ZNF66: variants seen among roughly 807,000 people sequenced by gnomAD.
The protein encoded by ZNF66 is zinc finger protein 66.
A neutral mutation model predicts 35.2 loss-of-function variants in ZNF66; 32 were observed. That is an observed-to-expected ratio of 0.91 (90% confidence interval 0.69 to 1.22). The LOEUF (loss-of-function observed/expected upper bound fraction) is 1.22. ZNF66 is among the 50% of genes most tolerant of loss of function. The pLI is 0.00. For missense variants in ZNF66, 666 were observed against 543.1 expected, an observed-to-expected ratio of 1.23 and a Z score of -2.25; for synonymous variants, 231 against 181.3, an observed-to-expected ratio of 1.27 and a Z score of -2.20.
Position 20,797,461 on chromosome 19 carries a change from C to T in ZNF66, c.226+3583C>T, listed in dbSNP as rs1434212483. On this transcript the variant is annotated intron_variant, in intron 3 of 3. Coordinates refer to ENST00000344519, the MANE Select transcript of ZNF66 (RefSeq NM_001355197.2). ...GACCTCGTGATCCGCCCGCCTCGGC[C>T]TCCCAAAGTGCTGGGATTACAGGCG... 3.2e-5 allele frequency among the ~76,000 whole-genome samples: 4 copies of T among 124,668 alleles called. 1 individual carries two copies. The highest frequency in any genetic ancestry group is 8.2e-3 in the Middle Eastern group (2 of 244). 81.8% of individuals were successfully genotyped at this position (124,668 alleles called of 152,430 possible). A position where few individuals can be genotyped will look rare whatever the true frequency, so the allele number is the denominator to read the frequency against.
chr19:20,806,448 A>T lies in ZNF66; in HGVS notation c.848A>T (p.Lys283Ile). 3 of 1,545,556 alleles carry T rather than the reference A, an allele frequency of 1.9e-6. No individual in the cohort carries two copies. The highest frequency in any genetic ancestry group is 2.7e-6 in the Non-Finnish European group (3 of 1,118,110). ...CATAAGAGAATTCATACTGGAGAGA[A>T]ACCCTACAAATGTGAAGAATGTGGC... ...TTHKRIHTGE[K>I]PYKCEECGKV... Residue 283 changes from lysine (K) to isoleucine (I), a missense_variant, in exon 4 of 4, where the codon AAA (lysine) becomes ATA (isoleucine). Transcript: ENST00000344519.
rs752532071 is a variant in ZNF66 at position 20,793,841 on chromosome 19, G to C, written c.189G>C (p.Ser63=). 1 of 1,171,744 alleles carries C rather than the reference G, an allele frequency of 8.5e-7. No individual in the cohort carries two copies. Among genetic ancestry groups the C allele is most frequent in the Admixed American group, 2.4e-5 (1 of 41,554 alleles). 72.6% of individuals were successfully genotyped at this position (1,171,744 alleles called of 1,614,324 possible). A position where few individuals can be genotyped will look rare whatever the true frequency, so the allele number is the denominator to read the frequency against. Residue 63 remains serine (S), a synonymous_variant, in exon 3 of 4, where the codon TCG becomes TCC. Transcript: ENST00000344519. ...ATCTGGAGCAAGGAAAAAAACCTTC[G>C]ACTATGCAGAGACATGAGATGGTAG... The part of the protein sequence containing the change: ...ITHLEQGKKP[S]TMQRHEMVAN...
In ZNF66 at chr19:20,806,020, C is replaced by G. The variant is rs1218001333; in HGVS notation, c.420C>G (p.Thr140=). The change falls in exon 4 of 4, where the codon ACC becomes ACG. Residue 140 remains threonine (T), a synonymous_variant. Transcript: ENST00000344519. ...GACTTAACCAATGTTTGACAACTAC[C>G]CAAAGCAAAATGTTTCAATGTGATA... The part of the protein sequence containing the change: ...YNGLNQCLTT[T]QSKMFQCDKH... 3.7e-6 allele frequency: 3 copies of G among 821,628 alleles called. No individual in the cohort carries two copies. Among genetic ancestry groups the G allele is most frequent in the Non-Finnish European group, 6.3e-6 (3 of 476,052 alleles). 50.9% of individuals were successfully genotyped at this position (821,628 alleles called of 1,614,324 possible). A position where few individuals can be genotyped will look rare whatever the true frequency, so the allele number is the denominator to read the frequency against.
intron 1 of ZNF66, among the ~76,000 whole-genome samples, chr19:20,780,923 C>T (rs1055358414): frequency 5.9e-4 from 89 of 151,884 alleles, no homozygotes; most frequent in African/African-American, 2.1e-3. Flanking sequence ...GACATTGACA[C>T]GTCCACACTC....
chr19:20,805,401 C>T (rs1971491943), intron 3 of ZNF66, among the ~76,000 whole-genome samples: 2 of 152,102 alleles, frequency 1.3e-5, no homozygotes, highest in Admixed American at 1.3e-4. Flanking sequence ...ACCATCTTGG[C>T]CAGGCTGCCT....
At chr19:20,783,460 G>A (rs909073228) in intron 1 of ZNF66, among the ~76,000 whole-genome samples, 1 of 152,024 alleles carries the variant, frequency 6.6e-6, no homozygotes, top group African/African-American at 2.4e-5. Context: ...TATGACTCCA[G>A]ATTATCTTTA....
Position 20,807,328 on chromosome 19 carries a change from C to A in ZNF66, c.*6C>A. On this transcript the variant is annotated 3_prime_UTR_variant, in exon 4 of 4. Coordinates refer to ENST00000344519, the MANE Select transcript of ZNF66 (RefSeq NM_001355197.2). ...AAAATGTGGCAAAGCCTTAGACACT[C>A]CTCTACCCTTACTAGACATAAGATA... 1 of 625,686 alleles carries A rather than the reference C, an allele frequency of 1.6e-6. No individual in the cohort carries two copies. The highest frequency in any genetic ancestry group is 2.1e-5 in the South Asian group (1 of 47,124). The allele number at this position is 625,686 out of a possible 1,614,324, so 38.8% of individuals were successfully genotyped here.
rs1401523449 is a variant in ZNF66, at chr19:20,803,804, A to T, written c.227-2023A>T. Among the ~76,000 whole-genome samples the T allele has an allele frequency of 3.3e-5, 5 of 152,256 alleles. No individual in the cohort carries two copies. In the East Asian group the frequency reaches 9.7e-4, roughly 29 times the overall value. On this transcript the variant is annotated intron_variant, in intron 3 of 3. Transcript: ENST00000344519. The stretch of plus-strand genomic sequence containing the variant: ...CAATATACATTCTCAGGATTTGGTT[A>T]TTTTGGAAGTGCTTCTTTCTATTTG...
rs758275342 is a variant in ZNF66 at position 20,806,668 on chromosome 19, T to C, written c.1068T>C (p.Leu356=). ...CGKGFKYSST[L]TKHKIIHTGE... ...AAGGCTTTAAGTACTCCTCTACCCT[T>C]ACTAAACATAAAATAATCCATACTG... Residue 356 remains leucine (L), a synonymous_variant, in exon 4 of 4, where the codon CTT becomes CTC. Transcript: ENST00000344519. The C allele has an allele frequency of 4.1e-5, 62 of 1,510,428 alleles. No individual in the cohort carries two copies. The highest frequency in any genetic ancestry group is 5.5e-5 in the Non-Finnish European group (60 of 1,088,064). 93.6% of individuals were successfully genotyped at this position (1,510,428 alleles called of 1,614,324 possible).
chr19:20,802,281 T>G (rs375323785), intron 3 of ZNF66, among the ~76,000 whole-genome samples: 1 of 152,302 alleles, frequency 6.6e-6, no homozygotes, highest in East Asian at 1.9e-4. Flanking sequence ...TGAAAAACAT[T>G]GAATTAAATC....
At position 20,806,078 on chromosome 19, in the gene ZNF66, A is replaced by T. The variant is rs762294361; in HGVS notation, c.478A>T (p.Thr160Ser). The T allele has an allele frequency of 2.3e-6, 2 of 868,512 alleles. No homozygotes were observed. Among genetic ancestry groups the T allele is most frequent in the Non-Finnish European group, 1.9e-6 (1 of 520,644 alleles). The allele number at this position is 868,512 out of a possible 1,614,324, so 53.8% of individuals were successfully genotyped here. A position where few individuals can be genotyped will look rare whatever the true frequency, so the allele number is the denominator to read the frequency against. The change falls in exon 4 of 4, where the codon ACA becomes TCA. Residue 160 changes from threonine (T) to serine (S), a missense_variant. Transcript: ENST00000344519. ...GAAAGTCTTTCATCAATTTTCAAAT[A>T]CAAACAGACATAAGATAAGACATAC... ...HGKVFHQFSN[T>S]NRHKIRHTGK...
At chr19:20,802,877 T>G (rs1971462813) in intron 3 of ZNF66, among the ~76,000 whole-genome samples, 1 of 152,190 alleles carries the variant, frequency 6.6e-6, no homozygotes, top group African/African-American at 2.4e-5. Context: ...CACATGCAAA[T>G]ACATACATGT....
At chr19:20,789,995 T>C (rs1971321095) in intron 1 of ZNF66, among the ~76,000 whole-genome samples, 1 of 152,186 alleles carries the variant, frequency 6.6e-6, no homozygotes, top group Admixed American at 6.5e-5. Context: ...AGGGATCCTG[T>C]GCTGTGCCTG....
intron 1 of ZNF66, among the ~76,000 whole-genome samples, chr19:20,776,978 G>A (rs1971200847): frequency 6.6e-6 from 1 of 151,932 alleles, no homozygotes; most frequent in South Asian, 2.1e-4. Flanking sequence ...AGGTGGATAT[G>A]TTGGCGAATG....
At chr19:20,790,129 G>T (rs1431954163) in intron 1 of ZNF66, among the ~76,000 whole-genome samples, 1 of 152,216 alleles carries the variant, frequency 6.6e-6, no homozygotes, top group Non-Finnish European at 1.5e-5. Flanking sequence ...ATAAAGTGGG[G>T]CCAAAATTAC....
intron 3 of ZNF66, among the ~76,000 whole-genome samples, chr19:20,795,140 G>A (rs1971379472): frequency 6.6e-6 from 1 of 152,040 alleles, no homozygotes; most frequent in South Asian, 2.1e-4. Flanking sequence ...CTCCCAAAAT[G>A]TTGGGATTAC....
chr19:20,799,703 CTA>C (rs1203739310), intron 3 of ZNF66, among the ~76,000 whole-genome samples: 2 of 152,122 alleles, frequency 1.3e-5, no homozygotes, highest in Non-Finnish European at 2.9e-5. Context: ...TTATTTCTCT[CTA>C]TTTTGTATGC....
chr19:20,776,491 C>G (rs1461058576), intron 1 of ZNF66, 41 bp downstream of exon 1: 2 of 1,526,092 alleles, frequency 1.3e-6, no homozygotes, highest in South Asian at 2.2e-5. Context: ...GGTGAAGTGT[C>G]TGTGGCGGGA....
At chr19:20,793,332 CTT>C (rs781748526) in intron 2 of ZNF66, among the ~76,000 whole-genome samples, 7 of 84,608 alleles carry the variant, frequency 8.3e-5, no homozygotes, top group African/African-American at 3.2e-4. Flanking sequence ...CTTTTCTTTT[CTT>C]TTTTTTTTTT....
Sources: allele counts gnomAD v4.1 joint callset (sites outside exome capture counted in the v4.1 genomes callset), GRCh38; gene constraint gnomAD v4.1.1; transcripts MANE v1.5; gene names NCBI Gene and HGNC (gene_info 2026-07-23, HGNC 2026-07-21).